Variants in NCOA7 observed in about 807,000 individuals in gnomAD.
NCOA7 encodes 140 kDa estrogen receptor-associated protein.
Under a neutral mutation model 104.3 loss-of-function variants are expected in NCOA7, and 45 were observed. The observed-to-expected ratio is 0.43, with a 90% confidence interval of 0.34 to 0.55. The LOEUF is 0.55. Among genes scored for constraint, NCOA7 ranks in the 20% least tolerant of loss-of-function variants. The pLI is 0.02. For missense variants in NCOA7, 1,041 were observed against 1,119.7 expected (o/e 0.93, Z 1.00); for synonymous variants, 398 against 402.3 (o/e 0.99, Z 0.13).
intron 1 of NCOA7, among the ~76,000 whole-genome samples, chr6:125,783,981 T>C (rs145246329): frequency 2.0e-5 from 3 of 152,344 alleles, no homozygotes; most frequent in Non-Finnish European, 4.4e-5. Flanking sequence ...GTTTACAATC[T>C]TCTGCTGTTA....
At chr6:125,893,689 T>C (rs979332690) in intron 10 of NCOA7, among the ~76,000 whole-genome samples, 2 of 152,138 alleles carry the variant, frequency 1.3e-5, no homozygotes, top group African/African-American at 4.8e-5. Context: ...TAGGTGTTTT[T>C]TTCTGTGGCA....
At chr6:125,900,098 A>T in intron 10 of NCOA7, 1 of 519,834 alleles carries the variant, frequency 1.9e-6, no homozygotes, top group Non-Finnish European at 4.0e-6. Context: ...AGGAAGCATG[A>T]GGCCAGGGTT....
chr6:125,911,008 GGATTGAGAAAAA>G (rs1183650147), intron 10 of NCOA7, among the ~76,000 whole-genome samples: 1 of 152,168 alleles, frequency 6.6e-6, no homozygotes, highest in Non-Finnish European at 1.5e-5. Context: ...CGGAGTCAAA[GGATTGAGAAAAA>G]GACAGTGAGA....
At chr6:125,854,990 T>A in intron 2 of NCOA7, 30 bp from the exon 3 acceptor site, 1 of 1,466,760 alleles carries the variant, frequency 6.8e-7, no homozygotes, top group South Asian at 1.2e-5. Flanking sequence ...ATCTCTCCAA[T>A]GTTTTTTCTT....
chr6:125,925,808 T>C (rs903925842), intron 13 of NCOA7, among the ~76,000 whole-genome samples: 2 of 152,244 alleles, frequency 1.3e-5, no homozygotes. Context: ...TTTGTTCTGC[T>C]ATTGCTAAAT....
At chr6:125,813,897 A>G (rs932166122) in intron 1 of NCOA7, among the ~76,000 whole-genome samples, 4 of 141,436 alleles carry the variant, frequency 2.8e-5, no homozygotes, top group African/African-American at 7.8e-5. Flanking sequence ...ATACATTAGA[A>G]AATGGCTAAA....
chr6:125,844,430 T>G (rs1437518789), intron 2 of NCOA7, among the ~76,000 whole-genome samples: 2 of 152,232 alleles, frequency 1.3e-5, no homozygotes, highest in African/African-American at 4.8e-5. Flanking sequence ...ATCAGGAACA[T>G]CCACAGGTTT....
At position 125,888,930 on chromosome 6, in the gene NCOA7, C is replaced by G; in HGVS notation, c.885-9C>G. ...ATTCCATGTGCACCCACCATTTCTC[C>G]CCCAACAGTGACCTACCTCAGGATC... On this transcript the variant is annotated splice_polypyrimidine_tract_variant and intron_variant, in intron 8 of 15. Coordinates refer to ENST00000392477, the MANE Select transcript of NCOA7 (RefSeq NM_181782.5). 6.3e-7 allele frequency: 1 copy of G among 1,579,742 alleles called. No homozygotes were observed. The highest frequency in any genetic ancestry group is 8.6e-7 in the Non-Finnish European group (1 of 1,162,536).
chr6:125,783,375 G>T (rs1583203460), intron 1 of NCOA7, among the ~76,000 whole-genome samples: 1 of 152,310 alleles, frequency 6.6e-6, no homozygotes, highest in South Asian at 2.1e-4. Context: ...TAGCCAATGG[G>T]TTTAGCATTC....
intron 1 of NCOA7, among the ~76,000 whole-genome samples, chr6:125,785,090 C>A (rs1206080573): frequency 1.3e-5 from 2 of 152,148 alleles, no homozygotes; most frequent in Non-Finnish European, 2.9e-5. Flanking sequence ...GTAATCCCAG[C>A]ACTTTGGGAG....
At chr6:125,824,939 A>AGCAGGGG (rs927345167) in intron 2 of NCOA7, among the ~76,000 whole-genome samples, 3 of 152,096 alleles carry the variant, frequency 2.0e-5, no homozygotes, top group Admixed American at 6.5e-5. Flanking sequence ...TATAGGCAGA[A>AGCAGGGG]GCAGGAGATT....
intron 1 of NCOA7, among the ~76,000 whole-genome samples, chr6:125,814,404 C>T (rs953762410): frequency 2.0e-5 from 3 of 152,224 alleles, no homozygotes; most frequent in African/African-American, 7.2e-5. Flanking sequence ...GTTCTGCCTG[C>T]CTCGGCCTCC....
chr6:125,877,241 C>G (rs1238121706), intron 4 of NCOA7, among the ~76,000 whole-genome samples: 2 of 152,092 alleles, frequency 1.3e-5, no homozygotes, highest in Non-Finnish European at 2.9e-5. Context: ...AGTAGTTGGA[C>G]CTCTGATACT....
chr6:125,895,471 A>G lies in NCOA7; in HGVS notation c.2096+4661A>G, dbSNP rs561525226. ...TAAGCCAAAAGGAGATGGGGAAAAA[A>G]TCTATTTTGCAATTGGCTTTTTTCC... On this transcript the variant is annotated intron_variant, in intron 10 of 15. Transcript: ENST00000392477. 3.3e-5 allele frequency among the ~76,000 whole-genome samples: 5 copies of G among 152,332 alleles called. No individual in the cohort carries two copies. The East Asian group carries it at 7.7e-4, about 23-fold the overall frequency.
chr6:125,844,620 CAAAAT>C (rs2128607955), intron 2 of NCOA7, among the ~76,000 whole-genome samples: 1 of 152,106 alleles, frequency 6.6e-6, no homozygotes, highest in African/African-American at 2.4e-5. Flanking sequence ...TATGAAATGA[CAAAAT>C]GAAATGGAGT....
chr6:125,884,056 C>A (rs549990728), intron 7 of NCOA7, among the ~76,000 whole-genome samples: 5 of 152,286 alleles, frequency 3.3e-5, no homozygotes, highest in Non-Finnish European at 7.4e-5. Flanking sequence ...CTACTCTCTA[C>A]TTCTAGGGGA....
chr6:125,840,868 GTTTTTTTTTTTTTTTTTTTTTTTTT>G (rs57168444), intron 2 of NCOA7, among the ~76,000 whole-genome samples: 14 of 40,340 alleles, frequency 3.5e-4, no homozygotes, highest in East Asian at 1.5e-3. Context: ...TGTTTGGTTG[GTTTTTTTTTTTTTTTTTTTTTTTTT>G]TTTTTTTTTT....
chr6:125,910,459 G>A (rs1279973939), intron 10 of NCOA7, among the ~76,000 whole-genome samples: 6 of 152,088 alleles, frequency 3.9e-5, no homozygotes, highest in African/African-American at 1.4e-4. Flanking sequence ...TTTAAGTATT[G>A]AAAAAACTAA....
At chr6:125,850,347 C>T (rs1284883952) in intron 2 of NCOA7, among the ~76,000 whole-genome samples, 1 of 152,106 alleles carries the variant, frequency 6.6e-6, no homozygotes, top group Non-Finnish European at 1.5e-5. Flanking sequence ...TGTAGAATTT[C>T]TAAGGTATTA....
Sources: allele counts gnomAD v4.1 joint callset (sites outside exome capture counted in the v4.1 genomes callset), GRCh38; gene constraint gnomAD v4.1.1; transcripts MANE v1.5; gene names NCBI Gene and HGNC (gene_info 2026-07-23, HGNC 2026-07-21).